RALGAPA2: variants seen among roughly 807,000 people sequenced by gnomAD.
RALGAPA2 encodes Ral GTPase activating protein catalytic subunit alpha 2.
RALGAPA2 carries 139 observed loss-of-function variants against 230.4 expected under a neutral mutation model. That is an observed-to-expected ratio of 0.60 (90% CI 0.53 to 0.69). The LOEUF is 0.69. Ranked by LOEUF, RALGAPA2 falls within the 30% of genes least tolerant of loss-of-function variation. The pLI is 0.00. For synonymous variants in RALGAPA2, 847 were observed against 837.8 expected, an observed-to-expected ratio of 1.01 and a Z score of -0.19; for missense variants, 2,163 against 2,276.0, an observed-to-expected ratio of 0.95 and a Z score of 1.01.
intron 13 of RALGAPA2, among the ~76,000 whole-genome samples, chr20:20,614,466 A>G (rs995336739): frequency 6.6e-5 from 10 of 152,232 alleles, no homozygotes; most frequent in Non-Finnish European, 1.3e-4. Context: ...ATTTCAGTTG[A>G]AAGCATATAC....
At chr20:20,536,840 A>G in intron 24 of RALGAPA2, 56 bp from the exon 25 acceptor site, 1 of 1,548,808 alleles carries the variant, frequency 6.5e-7, no homozygotes, top group Non-Finnish European at 8.8e-7. Context: ...TAGAAACGTT[A>G]AATAAGTGAC....
At chr20:20,444,622 C>T (rs2060818410) in intron 37 of RALGAPA2, among the ~76,000 whole-genome samples, 2 of 152,230 alleles carry the variant, frequency 1.3e-5, no homozygotes, top group Non-Finnish European at 2.9e-5. Flanking sequence ...TCCTGATACA[C>T]TGCAGATTAG....
intron 3 of RALGAPA2, among the ~76,000 whole-genome samples, chr20:20,667,467 AGAAG>A (rs879661836): frequency 1.3e-5 from 2 of 152,232 alleles, no homozygotes; most frequent in Non-Finnish European, 1.5e-5. Context: ...CAAACTGCAG[AGAAG>A]GAAGGGAGTC....
rs996448440 is a variant in RALGAPA2 at position 20,390,724 on chromosome 20, A to G, written c.*2565T>C. On this transcript the variant is annotated 3_prime_UTR_variant, in exon 40 of 40. Coordinates refer to ENST00000202677, the MANE Select transcript of RALGAPA2 (RefSeq NM_020343.4). ...AATAAAAAAGAAACTTGATCATTGC[A>G]ATTTTCCACCCCAGATAACAAAAAC... is the stretch of plus-strand genomic sequence containing the variant. The G allele has an allele frequency of 1.0e-4, 15 of 148,970 alleles. No individual in the cohort carries two copies. Among genetic ancestry groups the G allele is most frequent in the African/African-American group, 3.9e-4 (15 of 38,960 alleles). The allele number at this position is 148,970 out of a possible 1,614,324, so 9.2% of individuals were successfully genotyped here.
chr20:20,526,356 T>G lies in RALGAPA2; in HGVS notation c.3589A>C (p.Asn1197His). The change falls in exon 28 of 40, where the codon AAC (asparagine) becomes CAC (histidine). Residue 1197 changes from asparagine to histidine, a missense_variant. Coordinates refer to ENST00000202677, the MANE Select transcript of RALGAPA2 (RefSeq NM_020343.4). Reference protein sequence around the residue: ...NVIGVTLKFPNKIVAQVACDV... With the variant: ...NVIGVTLKFPHKIVAQVACDV... ...CAAGCTACCTGGGCCACGATTTTGTTGGGAAACTATAAAAGGAAACCGAAT... is the reference window on the plus strand; with the variant it reads ...CAAGCTACCTGGGCCACGATTTTGTGGGGAAACTATAAAAGGAAACCGAAT... 2 of 1,588,816 alleles carry G rather than the reference T, an allele frequency of 1.3e-6. No homozygotes were observed. The highest frequency in any genetic ancestry group is 2.7e-5 in the African/African-American group (2 of 73,502).
At chr20:20,583,348 T>C (rs2065043287) in intron 19 of RALGAPA2, 122 bp from the exon 20 acceptor site, 2 of 1,091,596 alleles carry the variant, frequency 1.8e-6, no homozygotes, top group Non-Finnish European at 2.6e-6. Context: ...TCATGTTCTT[T>C]GGCAGAACCT....
chr20:20,410,132 C>A (rs1444304768), intron 38 of RALGAPA2, among the ~76,000 whole-genome samples: 1 of 152,142 alleles, frequency 6.6e-6, no homozygotes, highest in Non-Finnish European at 1.5e-5. Context: ...AAGCAATTTT[C>A]AAAAATATGA....
chr20:20,417,336 C>G (rs545718936), intron 37 of RALGAPA2, among the ~76,000 whole-genome samples: 2 of 152,348 alleles, frequency 1.3e-5, no homozygotes, highest in Admixed American at 1.3e-4. Context: ...TGGGAGGCCA[C>G]AGGTCCAAAA....
In RALGAPA2 at chr20:20,571,449, G is replaced by A. The variant is rs370530647; in HGVS notation, c.3156+9C>T. 111 of 1,605,694 alleles carry A rather than the reference G, an allele frequency of 6.9e-5. 1 individual carries two copies. Among genetic ancestry groups the A allele is most frequent in the Non-Finnish European group, 8.3e-5 (97 of 1,175,698 alleles). ...AATGGGCAATCACAATAAAGGAGTCGCAGAATACCTGATCCTCGCTGGTTA... is the reference window on the plus strand; with the variant it reads ...AATGGGCAATCACAATAAAGGAGTCACAGAATACCTGATCCTCGCTGGTTA... On this transcript the variant is annotated intron_variant, in intron 23 of 39. Transcript: ENST00000202677.
At chr20:20,701,900 C>T (rs541427760) in intron 1 of RALGAPA2, among the ~76,000 whole-genome samples, 2 of 150,916 alleles carry the variant, frequency 1.3e-5, no homozygotes, top group Non-Finnish European at 2.9e-5. Context: ...ATTAGCCAGG[C>T]GCGGCGGCAG....
At chr20:20,443,906 G>A (rs1425775342) in intron 37 of RALGAPA2, among the ~76,000 whole-genome samples, 1 of 152,196 alleles carries the variant, frequency 6.6e-6, no homozygotes, top group African/African-American at 2.4e-5. Context: ...TTTCTTCCTA[G>A]TCCTTGGGCA....
At position 20,512,753 on chromosome 20, in the gene RALGAPA2, T is replaced by G; in HGVS notation, c.4616A>C (p.Gln1539Pro). Reference protein sequence around the residue: ...HTSPECLLPSQLNLNEPSLTP... With the variant: ...HTSPECLLPSPLNLNEPSLTP... ...TAGGGAAGGTTCATTTAGATTTAGC[T>G]GTGACGGTAAAAGGCATTCAGGACT... is the stretch of plus-strand genomic sequence containing the variant. Residue 1539 changes from glutamine (Q) to proline (P), a missense_variant, in exon 32 of 40, where the codon CAG becomes CCG. Physicochemically the swap from Gln to Pro is moderately conservative, Grantham distance 76. Coordinates refer to ENST00000202677, the MANE Select transcript of RALGAPA2 (RefSeq NM_020343.4). The G allele has an allele frequency of 1.2e-6, 2 of 1,613,900 alleles. No individual in the cohort carries two copies. Among genetic ancestry groups the G allele is most frequent in the South Asian group, 2.2e-5 (2 of 91,084 alleles).
chr20:20,588,252 A>C (rs2065187900), intron 18 of RALGAPA2, among the ~76,000 whole-genome samples: 1 of 152,242 alleles, frequency 6.6e-6, no homozygotes, highest in Admixed American at 6.5e-5. Context: ...TGAAAAAATA[A>C]ATTGTGGTCT....
chr20:20,583,197 C>A lies in RALGAPA2; in HGVS notation c.2560G>T (p.Gly854Cys), dbSNP rs1340036395. 6.2e-7 allele frequency: 1 copy of A among 1,611,680 alleles called. No homozygotes were observed. The highest frequency in any genetic ancestry group is 1.3e-5 in the African/African-American group (1 of 74,770). ...SESTNSDTTL[G>C]CTNEAELSMG... is the part of the protein sequence containing the mutation. ...GACAGCTCTGCCTCATTGGTACAGC[C>A]CAGAGTTGTGTCACTGTTGGTACTT... The change falls in exon 20 of 40, where the codon GGC (glycine) becomes TGC (cysteine). Residue 854 changes from glycine to cysteine, a missense_variant. Physicochemically the swap from Gly to Cys is radical, Grantham distance 159. Coordinates refer to ENST00000202677, the MANE Select transcript of RALGAPA2 (RefSeq NM_020343.4).
intron 18 of RALGAPA2, among the ~76,000 whole-genome samples, 173 bp from the exon 19 acceptor site, chr20:20,585,128 T>C (rs1328837112): frequency 6.6e-6 from 1 of 152,074 alleles, no homozygotes; most frequent in Non-Finnish European, 1.5e-5. Context: ...TTTAATTTTA[T>C]GTTACTCAAG....
intron 23 of RALGAPA2, among the ~76,000 whole-genome samples, chr20:20,569,815 A>C (rs192498061): frequency 2.6e-4 from 39 of 152,250 alleles, no homozygotes; most frequent in African/African-American, 7.5e-4. Flanking sequence ...CTGCTAACTT[A>C]CTTGTTTTTA....
intron 16 of RALGAPA2, 60 bp from the exon 17 acceptor site, chr20:20,591,374 C>T (rs892845329): frequency 6.6e-7 from 1 of 1,512,342 alleles, no homozygotes; most frequent in Middle Eastern, 1.7e-4. Context: ...ACACATTCAC[C>T]ACTTAAAACA....
At chr20:20,527,939 G>A (rs2063261821) in intron 27 of RALGAPA2, among the ~76,000 whole-genome samples, 1 of 152,126 alleles carries the variant, frequency 6.6e-6, no homozygotes, top group Non-Finnish European at 1.5e-5. Context: ...ACAGACAAGG[G>A]AAAATTACGA....
At position 20,712,439 on chromosome 20, in the gene RALGAPA2, G is replaced by A; in HGVS notation, c.42C>T (p.Thr14=). The change falls in exon 1 of 40, where the codon ACC becomes ACT. Residue 14 remains threonine, a synonymous_variant. Transcript: ENST00000202677. This position sits in a 1 kb window ranked among gnomAD's most constrained non-coding sequence, Gnocchi z 5.5. Reference sequence around the variant, plus strand: ...CCTTCTTCGGGTCCAGCACCTTCTGGGTGGACTTCTTCACATCCCCGTGGC... The same window carrying A: ...CCTTCTTCGGGTCCAGCACCTTCTGAGTGGACTTCTTCACATCCCCGTGGC... ...RRSHGDVKKS[T]QKVLDPKKDV... 4.5e-6 allele frequency: 7 copies of A among 1,555,328 alleles called. No individual in the cohort carries two copies. The highest frequency in any genetic ancestry group is 6.1e-6 in the Non-Finnish European group (7 of 1,148,942).
Sources: allele counts gnomAD v4.1 joint callset (sites outside exome capture counted in the v4.1 genomes callset), GRCh38; gene constraint gnomAD v4.1.1; non-coding constraint Gnocchi (gnomAD v3.1); transcripts MANE v1.5; gene names NCBI Gene and HGNC (gene_info 2026-07-23, HGNC 2026-07-21).